The following RBKS variants were observed in gnomAD, a reference collection of about 807,000 sequenced individuals.
RBKS encodes the protein ribokinase.
A neutral mutation model predicts 33.9 loss-of-function variants in RBKS; 33 were observed. That is an observed-to-expected ratio of 0.97 (90% CI 0.74 to 1.30). The LOEUF is 1.30. Among genes scored for constraint, RBKS ranks in the 50% most tolerant of loss-of-function variants. RBKS has a pLI of 0.00. For missense variants in RBKS, 361 were observed against 392.6 expected (o/e 0.92, Z 0.68); for synonymous variants, 125 against 143.0 (o/e 0.87, Z 0.90).
chr2:27,863,572 C>T (rs905981256), intron 1 of RBKS, among the ~76,000 whole-genome samples: 5 of 152,150 alleles, frequency 3.3e-5, no homozygotes, highest in East Asian at 1.9e-4. Flanking sequence ...AGGAATGACC[C>T]GGTAATAGGG....
At chr2:27,878,492 A>C (rs1029040644) in intron 1 of RBKS, among the ~76,000 whole-genome samples, 14 of 152,074 alleles carry the variant, frequency 9.2e-5, no homozygotes, top group African/African-American at 2.2e-4. Context: ...AATAAACATA[A>C]GTGTGCATGT....
intron 7 of RBKS, among the ~76,000 whole-genome samples, chr2:27,785,473 T>C (rs1002520008): frequency 3.3e-5 from 5 of 152,142 alleles, no homozygotes; most frequent in African/African-American, 4.8e-5. Flanking sequence ...CTAGAAAATG[T>C]GTAACGCTCG....
At chr2:27,809,027 T>G (rs1677942783) in intron 7 of RBKS, among the ~76,000 whole-genome samples, 1 of 151,068 alleles carries the variant, frequency 6.6e-6, no homozygotes, top group South Asian at 2.1e-4. Context: ...TCTGTTTTGC[T>G]TATAATAATG....
intron 1 of RBKS, among the ~76,000 whole-genome samples, chr2:27,864,669 C>T (rs1462164212): frequency 4.7e-5 from 1 of 21,436 alleles, no homozygotes; most frequent in African/African-American, 1.2e-4. Context: ...CTCATTCATT[C>T]TGAGAAAAAA....
At chr2:27,850,424 A>G (rs759500025) in intron 2 of RBKS, among the ~76,000 whole-genome samples, 1 of 152,344 alleles carries the variant, frequency 6.6e-6, no homozygotes, top group Middle Eastern at 3.4e-3. Flanking sequence ...ACCCACCATT[A>G]TAGTACTATA....
chr2:27,787,315 C>T (rs371163996), intron 7 of RBKS, among the ~76,000 whole-genome samples: 2 of 152,148 alleles, frequency 1.3e-5, no homozygotes, highest in East Asian at 1.9e-4. Flanking sequence ...GCTTGTAGTC[C>T]TAGCTACCTG....
chr2:27,808,409 T>C (rs1271523732), intron 7 of RBKS, among the ~76,000 whole-genome samples: 1 of 152,252 alleles, frequency 6.6e-6, no homozygotes, highest in African/African-American at 2.4e-5. Context: ...CTGCATCACT[T>C]GGATTCCATC....
At chr2:27,820,418 T>C (rs1678178065) in intron 7 of RBKS, among the ~76,000 whole-genome samples, 2 of 152,226 alleles carry the variant, frequency 1.3e-5, no homozygotes, top group African/African-American at 2.4e-5. Flanking sequence ...GCCCTTCTCC[T>C]ATTGATGATT....
chr2:27,890,087 T>C lies in RBKS; in HGVS notation c.89+170A>G. 1.7e-6 allele frequency: 1 copy of C among 596,420 alleles called. No homozygotes were observed. 36.9% of individuals were successfully genotyped at this position (596,420 alleles called of 1,614,324 possible). On this transcript the variant is annotated intron_variant, in intron 1 of 7. Transcript: ENST00000302188. The surrounding 1 kb of genome is among the most constrained non-coding windows in gnomAD (Gnocchi z 4.8). ...TGAGATTTACCTTTATATACTCAAG[T>C]TCTTTCATGCCAGGAAGGTAGGCTG...
chr2:27,782,840 T>C (rs1372206527), intron 7 of RBKS: 1 of 239,714 alleles, frequency 4.2e-6, no homozygotes, highest in African/African-American at 2.2e-5. Flanking sequence ...TGGGGAATTA[T>C]TCCCTGAAGT....
intron 5 of RBKS, among the ~76,000 whole-genome samples, chr2:27,842,381 A>G (rs1186709441): frequency 6.6e-6 from 1 of 152,250 alleles, no homozygotes; most frequent in Non-Finnish European, 1.5e-5. Flanking sequence ...ATCAAAAACA[A>G]AAGAGGCAAT....
At chr2:27,866,551 T>C (rs1317643963) in intron 1 of RBKS, among the ~76,000 whole-genome samples, 1 of 152,220 alleles carries the variant, frequency 6.6e-6, no homozygotes, top group African/African-American at 2.4e-5. Flanking sequence ...TGGTAGGCTG[T>C]TCCACAGGTC....
chr2:27,781,771 A>G lies in RBKS; in HGVS notation c.813T>C (p.Phe271=). The G allele has an allele frequency of 1.2e-6, 2 of 1,613,684 alleles. No homozygotes were observed. Among genetic ancestry groups the G allele is most frequent in the Non-Finnish European group, 8.5e-7 (1 of 1,179,802 alleles). Residue 271 remains phenylalanine (F), a synonymous_variant, in exon 8 of 8, where the codon TTT becomes TTC. Coordinates refer to ENST00000302188, the MANE Select transcript of RBKS (RefSeq NM_022128.3). ...AVDTTGAGDS[F]VGALAFYLAY... ...CCAGGTAGAAGGCCAGAGCTCCCACAAAGCTGTCACCAGCACCCTGTAATT... is the reference window on the plus strand; with the variant it reads ...CCAGGTAGAAGGCCAGAGCTCCCACGAAGCTGTCACCAGCACCCTGTAATT...
At chr2:27,827,367 G>A (rs970547495) in intron 7 of RBKS, among the ~76,000 whole-genome samples, 200 bp downstream of exon 7, 1 of 152,186 alleles carries the variant, frequency 6.6e-6, no homozygotes, top group African/African-American at 2.4e-5. Flanking sequence ...GTCTCAGAGA[G>A]GTCAAGCTGC....
chr2:27,846,857 T>A (rs978627033), intron 4 of RBKS, among the ~76,000 whole-genome samples, 185 bp downstream of exon 4: 8 of 152,188 alleles, frequency 5.3e-5, no homozygotes, highest in African/African-American at 1.9e-4. Context: ...ATCTGAACGA[T>A]CCATGTGAGA....
intron 1 of RBKS, among the ~76,000 whole-genome samples, chr2:27,885,848 CAATA>C (rs1471374169): frequency 6.6e-6 from 1 of 152,038 alleles, no homozygotes; most frequent in African/African-American, 2.4e-5. Flanking sequence ...AGTATAAATT[CAATA>C]AATATTTCTT....
intron 2 of RBKS, among the ~76,000 whole-genome samples, chr2:27,857,585 G>A (rs531282488): frequency 1.7e-4 from 26 of 152,246 alleles, no homozygotes; most frequent in African/African-American, 5.8e-4. Context: ...GTAAATCACC[G>A]GTTATTACAA....
intron 1 of RBKS, chr2:27,869,631 A>C (rs1435030375): frequency 1.3e-5 from 2 of 152,690 alleles, no homozygotes; most frequent in Non-Finnish European, 2.9e-5. Context: ...TTTATTGTGC[A>C]CTTTATTTCT....
intron 5 of RBKS, among the ~76,000 whole-genome samples, chr2:27,839,228 A>G (rs1663418432): frequency 6.6e-6 from 1 of 152,256 alleles, no homozygotes; most frequent in South Asian, 2.1e-4. Flanking sequence ...TGTTTGCCAA[A>G]GGCAAAAGGA....
Sources: gnomAD v4.1 joint callset for allele counts (sites outside exome capture counted in the v4.1 genomes callset) on GRCh38, gnomAD v4.1.1 for gene constraint, Gnocchi (gnomAD v3.1) non-coding constraint, MANE v1.5 for transcripts, NCBI Gene and HGNC (gene_info 2026-07-23, HGNC 2026-07-21) for gene names.